Variants in ZNF385A observed in about 807,000 individuals in gnomAD.
ZNF385A encodes the protein zinc finger protein 385A.
In ZNF385A, 14 loss-of-function variants were observed where a neutral mutation model predicts 32.1. That is an observed-to-expected ratio of 0.44 (90% confidence interval 0.29 to 0.68). The LOEUF (loss-of-function observed/expected upper bound fraction) is 0.68. ZNF385A is among the 30% of genes least tolerant of loss of function. The probability of loss-of-function intolerance (pLI) is 0.14; values close to 1 mark genes in which losing one functional copy is unlikely to be tolerated. For synonymous variants in ZNF385A, 197 were observed against 202.7 expected (o/e 0.97, Z 0.24); for missense variants, 406 against 478.4 (o/e 0.85, Z 1.41).
In ZNF385A at chr12:54,370,207, G is replaced by T; in HGVS notation, c.*49C>A. ...GGCGGGCTGGGAGCCCGGACGCCTG[G>T]GTCCCGGCTGGAGGTGGGGAGTTGA... On this transcript the variant is annotated 3_prime_UTR_variant, in exon 7 of 7. Coordinates refer to ENST00000394313, the MANE Select transcript of ZNF385A (RefSeq NM_015481.3). This position sits in a 1 kb window ranked among gnomAD's most constrained non-coding sequence, Gnocchi z 5.5. The T allele has an allele frequency of 7.3e-7, 1 of 1,371,172 alleles. No individual in the cohort carries two copies. The highest frequency in any genetic ancestry group is 9.6e-7 in the Non-Finnish European group (1 of 1,045,660). The allele number at this position is 1,371,172 out of a possible 1,614,324, so 84.9% of individuals were successfully genotyped here.
In ZNF385A at chr12:54,380,730, T is replaced by C. The variant is rs2700155; in HGVS notation, c.87+3698A>G. ...CCTAAGTTTCTCTCTTTACTCCTCT[T>C]TTAAATAAAAACAATAGCAATAGCA... On this transcript the variant is annotated intron_variant, in intron 1 of 6. Coordinates refer to ENST00000394313, the MANE Select transcript of ZNF385A (RefSeq NM_015481.3). 4.8e-3 allele frequency among the ~76,000 whole-genome samples: 727 copies of C among 152,310 alleles called. 5 individuals are homozygous for C. The highest frequency in any genetic ancestry group is 0.017 in the African/African-American group (687 of 41,546).
upstream of ZNF385A, among the ~76,000 whole-genome samples, chr12:54,388,348 T>C (rs1218655353): frequency 3.3e-5 from 5 of 152,244 alleles, no homozygotes; most frequent in Non-Finnish European, 7.3e-5. Context: ...CTGTCAGCAC[T>C]AACCCTCAAC....
chr12:54,371,170 A>G, intron 4 of ZNF385A, 74 bp from the exon 5 acceptor site: 1 of 1,485,986 alleles, frequency 6.7e-7, no homozygotes, highest in Non-Finnish European at 9.0e-7. Flanking sequence ...CAGAATGCAC[A>G]TTCCCAGGTA....
upstream of ZNF385A, among the ~76,000 whole-genome samples, chr12:54,386,209 CAG>C (rs554315331): frequency 4.6e-3 from 649 of 139,824 alleles, 4 homozygotes; most frequent in South Asian, 0.021. Flanking sequence ...CACACACACA[CAG>C]AGAGACGGAC....
At chr12:54,371,964 C>A (rs1954576787) in intron 3 of ZNF385A, among the ~76,000 whole-genome samples, 1 of 152,226 alleles carries the variant, frequency 6.6e-6, no homozygotes, top group Non-Finnish European at 1.5e-5. Context: ...GCCTCACCAG[C>A]CTACCTTCAG....
rs750277898 is a variant in ZNF385A at position 54,374,187 on chromosome 12, G to A, written c.199-52C>T. The A allele has an allele frequency of 1.5e-5, 21 of 1,374,082 alleles. 1 individual carries two copies. Among genetic ancestry groups the A allele is most frequent in the East Asian group, 1.0e-4 (4 of 38,840 alleles). 85.1% of individuals were successfully genotyped at this position (1,374,082 alleles called of 1,614,324 possible). On this transcript the variant is annotated intron_variant, in intron 2 of 6. Coordinates refer to ENST00000394313, the MANE Select transcript of ZNF385A (RefSeq NM_015481.3). ...ATCTGAGATCACCTTTCATCTGACC[G>A]ATCTCCCCACAGAGCTCCCTCAAGT...
chr12:54,371,181 C>A (rs1954531072), intron 4 of ZNF385A, 85 bp from the exon 5 acceptor site: 1 of 1,428,172 alleles, frequency 7.0e-7, no homozygotes, highest in Non-Finnish European at 9.4e-7. Context: ...TTCCCAGGTA[C>A]AATATGAGGG....
rs944135357 is a variant in ZNF385A at position 54,370,143 on chromosome 12, G to C, written c.*113C>G. 1.5e-5 allele frequency: 12 copies of C among 795,640 alleles called. No homozygotes were observed. In the Admixed American group the frequency reaches 1.5e-4, roughly 10 times the overall value. 49.3% of individuals were successfully genotyped at this position (795,640 alleles called of 1,614,324 possible). ...GGAACCCCGTATCTCGGGGTGGGGG[G>C]GGGGAAGGAGAGATCATTTAGGGAG... On this transcript the variant is annotated 3_prime_UTR_variant, in exon 7 of 7. Transcript: ENST00000394313. This position sits in a 1 kb window ranked among gnomAD's most constrained non-coding sequence, Gnocchi z 5.5.
At chr12:54,379,202 G>A (rs1441172697) in intron 1 of ZNF385A, 8 of 982,048 alleles carry the variant, frequency 8.1e-6, no homozygotes, top group East Asian at 2.3e-4. Context: ...CGGCCCGGCC[G>A]GCGGGGAGAA....
rs1192523730 is a variant in ZNF385A at position 54,370,145 on chromosome 12, G to A, written c.*111C>T. On this transcript the variant is annotated 3_prime_UTR_variant, in exon 7 of 7. Coordinates refer to ENST00000394313, the MANE Select transcript of ZNF385A (RefSeq NM_015481.3). The surrounding 1 kb of genome is among the most constrained non-coding windows in gnomAD (Gnocchi z 5.5). ...AACCCCGTATCTCGGGGTGGGGGGG[G>A]GGAAGGAGAGATCATTTAGGGAGTG... is the stretch of plus-strand genomic sequence containing the variant. 4.0e-5 allele frequency: 33 copies of A among 828,232 alleles called. No individual in the cohort carries two copies. Among genetic ancestry groups the A allele is most frequent in the African/African-American group, 3.8e-4 (21 of 54,750 alleles). 51.3% of individuals were successfully genotyped at this position (828,232 alleles called of 1,614,324 possible).
upstream of ZNF385A, among the ~76,000 whole-genome samples, chr12:54,388,659 G>A (rs1309023090): frequency 6.6e-6 from 1 of 152,362 alleles, no homozygotes; most frequent in African/African-American, 2.4e-5. Flanking sequence ...AAAAAGCACA[G>A]GGCCAGTACT....
chr12:54,383,332 T>A (rs1955294643), intron 1 of ZNF385A, among the ~76,000 whole-genome samples: 2 of 152,166 alleles, frequency 1.3e-5, no homozygotes, highest in African/African-American at 4.8e-5. Flanking sequence ...CCTTGACTCA[T>A]GCCTTCTCTT....
chr12:54,380,401 C>T (rs1955087040), intron 1 of ZNF385A, among the ~76,000 whole-genome samples: 1 of 152,238 alleles, frequency 6.6e-6, no homozygotes, highest in African/African-American at 2.4e-5. Context: ...AGGTCATAAG[C>T]TAGTAAGTGA....
chr12:54,386,723 C>T (rs1955497616), upstream of ZNF385A, among the ~76,000 whole-genome samples: 1 of 152,212 alleles, frequency 6.6e-6, no homozygotes, highest in Non-Finnish European at 1.5e-5. Flanking sequence ...CTTGGCTTGA[C>T]CCTTTCCCTG....
chr12:54,378,871 G>A (rs1040423965), intron 1 of ZNF385A, among the ~76,000 whole-genome samples: 11 of 152,122 alleles, frequency 7.2e-5, no homozygotes, highest in African/African-American at 2.7e-4. Flanking sequence ...ATCCAGTGTG[G>A]TGGCAGTAGT....
rs754171741 is a variant in ZNF385A at position 54,370,930 on chromosome 12, T to C, written c.771A>G (p.Lys257=). The change falls in exon 5 of 7, where the codon AAA becomes AAG. Residue 257 remains lysine (K), a synonymous_variant. Coordinates refer to ENST00000394313, the MANE Select transcript of ZNF385A (RefSeq NM_015481.3). This position sits in a 1 kb window ranked among gnomAD's most constrained non-coding sequence, Gnocchi z 5.5. ...NVKVNSEVQL[K]QHISSRRHRD... ...CTGGGAAGGGCCTTAGACCCACCTG[T>C]TTCAGTTGGACCTCCGAGTTGACCT... 3 of 1,614,054 alleles carry C rather than the reference T, an allele frequency of 1.9e-6. No individual in the cohort carries two copies. The highest frequency in any genetic ancestry group is 2.5e-6 in the Non-Finnish European group (3 of 1,180,016).
rs1386728962 is a variant in ZNF385A at position 54,374,015 on chromosome 12, C to A, written c.319G>T (p.Gly107Cys). The stretch of plus-strand genomic sequence containing the variant: ...CCATCCCCATTTGTTGGGGTGCTGC[C>A]TGGGGGAGCTGGGTCTCCAGGTTCT... ...VREPGDPAPPGSTPTNGDGVA... is the reference protein window; with the variant it reads ...VREPGDPAPPCSTPTNGDGVA... The change falls in exon 3 of 7, where the codon GGC (glycine) becomes TGC (cysteine). Residue 107 changes from glycine (G) to cysteine (C), a missense_variant. Coordinates refer to ENST00000394313, the MANE Select transcript of ZNF385A (RefSeq NM_015481.3). The A allele has an allele frequency of 5.0e-6, 8 of 1,590,458 alleles. No individual in the cohort carries two copies. The highest frequency in any genetic ancestry group is 1.3e-5 in the African/African-American group (1 of 74,382).
intron 1 of ZNF385A, among the ~76,000 whole-genome samples, chr12:54,377,518 AT>A (rs1954910380): frequency 6.6e-6 from 1 of 152,152 alleles, no homozygotes; most frequent in South Asian, 2.1e-4. Flanking sequence ...TGCGTACATC[AT>A]TTATATATCA....
At position 54,370,377 on chromosome 12, in the gene ZNF385A, G is replaced by C; in HGVS notation, c.980C>G (p.Ser327Cys). Residue 327 changes from serine to cysteine, a missense_variant, in exon 7 of 7, where the codon TCC (serine) becomes TGC (cysteine). Physicochemically the swap from Ser to Cys is moderately radical, Grantham distance 112. Coordinates refer to ENST00000394313, the MANE Select transcript of ZNF385A (RefSeq NM_015481.3). This position sits in a 1 kb window ranked among gnomAD's most constrained non-coding sequence, Gnocchi z 5.5. Reference sequence around the variant, plus strand: ...AGGTGCGGCTGGAGCCGGGCGCAGGGACAGCGGCGAGCCTGCTGCCGCTGC... The same window carrying C: ...AGGTGCGGCTGGAGCCGGGCGCAGGCACAGCGGCGAGCCTGCTGCCGCTGC... ...VMAAAAGSPL[S>C]LRPAPAAPLL... 1 of 1,520,918 alleles carries C rather than the reference G, an allele frequency of 6.6e-7. No individual in the cohort carries two copies. The highest frequency in any genetic ancestry group is 8.8e-7 in the Non-Finnish European group (1 of 1,132,580). 94.2% of individuals were successfully genotyped at this position (1,520,918 alleles called of 1,614,324 possible). A position where few individuals can be genotyped will look rare whatever the true frequency, so the allele number is the denominator to read the frequency against.
Sources: gnomAD v4.1 joint callset for allele counts (sites outside exome capture counted in the v4.1 genomes callset) on GRCh38, gnomAD v4.1.1 for gene constraint, Gnocchi (gnomAD v3.1) non-coding constraint, MANE v1.5 for transcripts, NCBI Gene and HGNC (gene_info 2026-07-23, HGNC 2026-07-21) for gene names.